The following GPHN variants were observed in gnomAD, a reference collection of about 807,000 sequenced individuals.
GPHN encodes gephyrin.
Under a neutral mutation model 95.5 loss-of-function variants are expected in GPHN, and 17 were observed. The ratio of observed to expected loss-of-function variants is 0.18; its 90% CI spans 0.12 to 0.27. The LOEUF is 0.27. Ranked by LOEUF, GPHN falls within the 10% of genes least tolerant of loss-of-function variation. The pLI, the probability that GPHN is intolerant of heterozygous loss-of-function variation, is 1.00. For missense variants in GPHN, 660 were observed against 978.1 expected (o/e 0.67, Z 4.34); for synonymous variants, 320 against 322.5 (o/e 0.99, Z 0.08).
At chr14:66,665,960 A>G (rs1024585333) in intron 1 of GPHN, among the ~76,000 whole-genome samples, 1 of 152,192 alleles carries the variant, frequency 6.6e-6, no homozygotes, top group African/African-American at 2.4e-5. Flanking sequence ...AGGGGCATGG[A>G]TGAAGCTGGA....
At chr14:67,075,394 G>A (rs1177782612) in intron 11 of GPHN, among the ~76,000 whole-genome samples, 1 of 152,018 alleles carries the variant, frequency 6.6e-6, no homozygotes, top group Admixed American at 6.5e-5. Flanking sequence ...GCTCTGATTG[G>A]GATGTACAAG....
intron 2 of GPHN, among the ~76,000 whole-genome samples, chr14:66,698,588 T>C (rs1304097554): frequency 1.3e-5 from 2 of 152,194 alleles, no homozygotes; most frequent in Non-Finnish European, 2.9e-5. Context: ...AAGACAATGA[T>C]ACATGAAAAT....
chr14:67,032,491 T>C (rs2074237127), intron 10 of GPHN, among the ~76,000 whole-genome samples: 1 of 152,222 alleles, frequency 6.6e-6, no homozygotes, highest in Admixed American at 6.5e-5. Flanking sequence ...GAGAATGGTT[T>C]CTCTGTTGCC....
At chr14:67,554,201 A>C in the GPHN span, among the ~76,000 whole-genome samples, 1 of 152,204 alleles carries the variant, frequency 6.6e-6, no homozygotes, top group East Asian at 1.9e-4. Context: ...CTTCCATGTA[A>C]CTTTCCTCTC....
At chr14:67,469,036 A>G in the GPHN span, among the ~76,000 whole-genome samples, 79 of 152,246 alleles carry the variant, frequency 5.2e-4, no homozygotes, top group African/African-American at 1.7e-3. Context: ...CTTTCTATAA[A>G]ATCTTGTTCT....
At chr14:67,449,826 G>A in the GPHN span, 293 of 152,316 alleles carry the variant, frequency 1.9e-3, no homozygotes, top group East Asian at 0.017. Flanking sequence ...GGCCCAGTGC[G>A]GTGGCTCATG....
chr14:66,760,879 G>T lies in GPHN; in HGVS notation c.144-15585G>T, dbSNP rs1017166310. 4.5e-6 allele frequency: 4 copies of T among 894,198 alleles called. No individual in the cohort carries two copies. In the East Asian group the frequency reaches 1.0e-4, roughly 23 times the overall value. 55.4% of individuals were successfully genotyped at this position (894,198 alleles called of 1,614,324 possible). On this transcript the variant is annotated intron_variant, in intron 2 of 22. Coordinates refer to ENST00000478722, the MANE Select transcript of GPHN (RefSeq NM_020806.5). ...AATGAACAGATTGAAGAAAAAGAGCGACAGAAAGTTCAGGATATCAAAGAA... is the reference window on the plus strand; with the variant it reads ...AATGAACAGATTGAAGAAAAAGAGCTACAGAAAGTTCAGGATATCAAAGAA...
At chr14:66,640,688 A>C (rs1396087133) in intron 1 of GPHN, among the ~76,000 whole-genome samples, 2 of 152,170 alleles carry the variant, frequency 1.3e-5, no homozygotes, top group African/African-American at 2.4e-5. Context: ...TTTCAAGTAA[A>C]TATTTGATTT....
intron 5 of GPHN, 28 bp downstream of exon 5, chr14:66,880,061 C>T: frequency 1.5e-6 from 2 of 1,353,102 alleles, no homozygotes; most frequent in Non-Finnish European, 2.1e-6. Context: ...ATGTTGCAAA[C>T]CATTTGCTAG....
At chr14:66,520,564 G>C (rs1003598024) in intron 1 of GPHN, among the ~76,000 whole-genome samples, 1 of 152,064 alleles carries the variant, frequency 6.6e-6, no homozygotes, top group Non-Finnish European at 1.5e-5. Context: ...TCAGTGCTCT[G>C]TTTTCTGAGT....
At chr14:66,775,603 C>G (rs1171895673) in intron 2 of GPHN, among the ~76,000 whole-genome samples, 1 of 152,070 alleles carries the variant, frequency 6.6e-6, no homozygotes, top group Admixed American at 6.5e-5. Flanking sequence ...TTTTGTACAT[C>G]TCAACTCATT....
chr14:67,029,815 G>C (rs1031608839), intron 10 of GPHN, among the ~76,000 whole-genome samples: 1 of 152,124 alleles, frequency 6.6e-6, no homozygotes, highest in Non-Finnish European at 1.5e-5. Context: ...ATGCATTTAG[G>C]ACTATGATTA....
At chr14:66,799,621 G>A (rs78619759) in intron 3 of GPHN, among the ~76,000 whole-genome samples, 2,343 of 151,978 alleles carry the variant, frequency 0.015, 32 homozygotes, top group Non-Finnish European at 0.018. Context: ...TGATATAAGT[G>A]TATCAATTCC....
chr14:67,498,037 C>T, the GPHN span, among the ~76,000 whole-genome samples: 1 of 152,176 alleles, frequency 6.6e-6, no homozygotes, highest in Non-Finnish European at 1.5e-5. Context: ...TTGAAGTTCT[C>T]TGAAGTTCTT....
chr14:67,107,359 C>A (rs142473522), intron 13 of GPHN, among the ~76,000 whole-genome samples: 2 of 152,076 alleles, frequency 1.3e-5, no homozygotes, highest in East Asian at 3.9e-4. Context: ...CATTGTGGCA[C>A]CTGGTTCTTG....
chr14:66,574,715 G>A (rs1002614619), intron 1 of GPHN, among the ~76,000 whole-genome samples: 1 of 152,202 alleles, frequency 6.6e-6, no homozygotes, highest in South Asian at 2.1e-4. Context: ...AAGTGGGCAA[G>A]GTCTGCTGTC....
At chr14:67,590,245 GC>G in the GPHN span, 2 of 1,132,760 alleles carry the variant, frequency 1.8e-6, no homozygotes, top group Non-Finnish European at 2.4e-6. Flanking sequence ...GCATCCACTT[GC>G]AAATTTTTTT....
intron 12 of GPHN, among the ~76,000 whole-genome samples, chr14:67,096,481 C>T (rs940866883): frequency 2.0e-5 from 3 of 152,112 alleles, no homozygotes; most frequent in African/African-American, 7.2e-5. Flanking sequence ...AAATACTTCC[C>T]ACCAAAAACT....
At chr14:66,792,752 A>C (rs538242148) in intron 3 of GPHN, among the ~76,000 whole-genome samples, 28 of 152,328 alleles carry the variant, frequency 1.8e-4, no homozygotes, top group Non-Finnish European at 3.8e-4. Flanking sequence ...AGACACACAG[A>C]AATATAGAGA....
Sources: allele counts gnomAD v4.1 joint callset (sites outside exome capture counted in the v4.1 genomes callset), GRCh38; gene constraint gnomAD v4.1.1; transcripts MANE v1.5; gene names NCBI Gene and HGNC (gene_info 2026-07-23, HGNC 2026-07-21).